Variants in ASB5 observed in about 807,000 individuals in gnomAD.
ASB5 encodes ankyrin repeat and SOCS box protein 5.
In ASB5, 45 loss-of-function variants were observed where a neutral mutation model predicts 42.1. That is an observed-to-expected ratio of 1.07 (90% CI 0.84 to 1.37). ASB5 has a LOEUF of 1.37. ASB5 is among the 40% of genes most tolerant of loss of function. ASB5 has a pLI of 0.00. For missense variants in ASB5, 402 were observed against 399.8 expected, an observed-to-expected ratio of 1.01 and a Z score of -0.05; for synonymous variants, 147 against 150.6, an observed-to-expected ratio of 0.98 and a Z score of 0.18.
At chr4:176,264,865 C>T (rs927709719) in intron 1 of ASB5, among the ~76,000 whole-genome samples, 1 of 152,040 alleles carries the variant, frequency 6.6e-6, no homozygotes, top group Admixed American at 6.6e-5. Flanking sequence ...TTACAGGCAT[C>T]ATCAGATTCT....
intron 1 of ASB5, among the ~76,000 whole-genome samples, chr4:176,246,569 G>A (rs1207750129): frequency 6.6e-6 from 1 of 152,194 alleles, no homozygotes; most frequent in Non-Finnish European, 1.5e-5. Context: ...GCTGAAACAT[G>A]AACTACACCA....
intron 1 of ASB5, among the ~76,000 whole-genome samples, chr4:176,259,939 C>T (rs552142065): frequency 1.3e-5 from 2 of 152,270 alleles, no homozygotes; most frequent in South Asian, 4.1e-4. Flanking sequence ...GCCTTCCTGA[C>T]ATTTCACATA....
rs34945087 is a variant in ASB5 at position 176,222,944 on chromosome 4, A to ATT, written c.277-526_277-525dup. Among the ~76,000 whole-genome samples the ATT allele has an allele frequency of 3.8e-3, 568 of 151,398 alleles. 4 individuals are homozygous for ATT. Among genetic ancestry groups the ATT allele is most frequent in the African/African-American group, 0.013 (533 of 41,212 alleles). ...AGGCGCCCACCACAAGGCCGGGCTA[A>ATT]TTTTTTTGTATTTTTAGTAGACACG... On this transcript the variant is annotated intron_variant, in intron 2 of 6. Transcript: ENST00000296525.
intron 5 of ASB5, among the ~76,000 whole-genome samples, chr4:176,220,178 C>G (rs565722873): frequency 6.6e-6 from 1 of 152,244 alleles, no homozygotes; most frequent in African/African-American, 2.4e-5. Flanking sequence ...ATTGATCATA[C>G]AAAATTCATG....
intron 1 of ASB5, among the ~76,000 whole-genome samples, chr4:176,236,386 C>T (rs987311860): frequency 2.0e-5 from 3 of 152,162 alleles, no homozygotes; most frequent in Admixed American, 6.5e-5. Flanking sequence ...ACGCAGTCAA[C>T]ACTGGATAGG....
intron 1 of ASB5, among the ~76,000 whole-genome samples, chr4:176,238,936 G>A (rs1753752943): frequency 6.6e-6 from 1 of 152,156 alleles, no homozygotes; most frequent in South Asian, 2.1e-4. Flanking sequence ...GTAGCTTAAT[G>A]ACACCATAGT....
intron 1 of ASB5, among the ~76,000 whole-genome samples, chr4:176,255,496 A>G (rs920636386): frequency 4.6e-5 from 7 of 152,252 alleles, no homozygotes; most frequent in Admixed American, 4.6e-4. Flanking sequence ...TAAAGAGTAT[A>G]TGGTATATAC....
At chr4:176,259,140 T>C (rs549537871) in intron 1 of ASB5, among the ~76,000 whole-genome samples, 2 of 152,272 alleles carry the variant, frequency 1.3e-5, no homozygotes, top group South Asian at 4.1e-4. Flanking sequence ...TTTCACTCCT[T>C]TTCTTTTAGT....
chr4:176,233,254 A>G (rs553008550), intron 1 of ASB5, among the ~76,000 whole-genome samples: 1 of 152,348 alleles, frequency 6.6e-6, no homozygotes, highest in East Asian at 1.9e-4. Context: ...ATCTCATCTT[A>G]TTCCTCTTGG....
intron 1 of ASB5, among the ~76,000 whole-genome samples, chr4:176,231,860 A>AAAACAAAAC (rs1323785140): frequency 2.0e-5 from 3 of 148,278 alleles, no homozygotes; most frequent in Non-Finnish European, 3.0e-5. Context: ...AAAACAAAAC[A>AAAACAAAAC]AATAAACAAA....
At chr4:176,218,000 G>GA (rs1251575115) in intron 5 of ASB5, among the ~76,000 whole-genome samples, 3 of 150,762 alleles carry the variant, frequency 2.0e-5, no homozygotes, top group East Asian at 1.9e-4. Context: ...AATGTTTCGT[G>GA]AAAAAATTAT....
chr4:176,269,099 A>T lies in ASB5; in HGVS notation c.10T>A (p.Leu4Ile), dbSNP rs764124855. The T allele has an allele frequency of 6.2e-7, 1 of 1,609,974 alleles. No individual in the cohort carries two copies. Among genetic ancestry groups the T allele is most frequent in the Non-Finnish European group, 8.5e-7 (1 of 1,177,616 alleles). Residue 4 changes from leucine to isoleucine, a missense_variant, in exon 1 of 7, where the codon TTA becomes ATA. Transcript: ENST00000296525. ...TGAGCAAACGGCCGATTTTCTTCTA[A>T]CACCGACATTGCTGCAGAAGAATCT... MSV[L>I]EENRPFAQQL...
chr4:176,260,272 G>A (rs1316159617), intron 1 of ASB5, among the ~76,000 whole-genome samples: 1 of 152,048 alleles, frequency 6.6e-6, no homozygotes, highest in South Asian at 2.1e-4. Context: ...AGCCCCTGAC[G>A]GCCTTCTAGA....
chr4:176,225,426 TC>T (rs1753349677), intron 1 of ASB5, 85 bp from the exon 2 acceptor site: 1 of 1,127,336 alleles, frequency 8.9e-7, no homozygotes, highest in Non-Finnish European at 1.3e-6. Flanking sequence ...AATACCAAGA[TC>T]ACATAAATTA....
At chr4:176,234,094 G>A (rs1036225529) in intron 1 of ASB5, among the ~76,000 whole-genome samples, 2 of 152,142 alleles carry the variant, frequency 1.3e-5, no homozygotes, top group Non-Finnish European at 2.9e-5. Flanking sequence ...CTCATCTGAT[G>A]TATTGCAAAA....
intron 1 of ASB5, among the ~76,000 whole-genome samples, chr4:176,251,212 C>T (rs978480365): frequency 4.7e-5 from 7 of 150,404 alleles, no homozygotes; most frequent in African/African-American, 1.2e-4. Context: ...GCAGTTGGGA[C>T]GTTTTATGTT....
chr4:176,228,157 TC>T (rs1753430634), intron 1 of ASB5, among the ~76,000 whole-genome samples: 1 of 152,236 alleles, frequency 6.6e-6, no homozygotes, highest in African/African-American at 2.4e-5. Context: ...AGTACTTTTC[TC>T]ATATTGGGTT....
intron 1 of ASB5, among the ~76,000 whole-genome samples, chr4:176,266,477 G>C (rs768832586): frequency 4.6e-5 from 7 of 152,008 alleles, no homozygotes; most frequent in Non-Finnish European, 1.0e-4. Flanking sequence ...ATAAAAAATA[G>C]TTTACTTATA....
chr4:176,216,900 A>G lies in ASB5; in HGVS notation c.780T>C (p.Asn260=). 5.6e-6 allele frequency: 9 copies of G among 1,614,056 alleles called. No homozygotes were observed. Among genetic ancestry groups the G allele is most frequent in the South Asian group, 1.1e-5 (1 of 91,080 alleles). ...NLLLEFGADI[N]AKNTELLRPI... ...GTCGCAGAAGCTCTGTATTTTTGGCATTGATATCTGCTCCAAATTCTAGCA... is the reference window on the plus strand; with the variant it reads ...GTCGCAGAAGCTCTGTATTTTTGGCGTTGATATCTGCTCCAAATTCTAGCA... Residue 260 remains asparagine (N), a synonymous_variant, in exon 6 of 7, where the codon AAT becomes AAC. Transcript: ENST00000296525.
Sources: allele counts gnomAD v4.1 joint callset (sites outside exome capture counted in the v4.1 genomes callset), GRCh38; gene constraint gnomAD v4.1.1; transcripts MANE v1.5; gene names NCBI Gene and HGNC (gene_info 2026-07-23, HGNC 2026-07-21).